PDE10A: variants seen among roughly 807,000 people sequenced by gnomAD.
PDE10A encodes the protein cAMP and cAMP-inhibited cGMP 3',5'-cyclic phosphodiesterase 10A.
Under a neutral mutation model 97.7 loss-of-function variants are expected in PDE10A, and 39 were observed. The observed-to-expected ratio is 0.40, with a 90% CI of 0.31 to 0.52. The LOEUF is 0.52. Ranked by LOEUF, PDE10A falls within the 20% of genes least tolerant of loss-of-function variation. The pLI is 0.56. For missense variants in PDE10A, 731 were observed against 1,047.8 expected, an observed-to-expected ratio of 0.70 and a Z score of 4.17; for synonymous variants, 371 against 376.8, an observed-to-expected ratio of 0.98 and a Z score of 0.18.
chr6:165,587,444 G>A (rs995572625), intron 1 of PDE10A, among the ~76,000 whole-genome samples: 1 of 152,062 alleles, frequency 6.6e-6, no homozygotes, highest in African/African-American at 2.4e-5. Context: ...GTCCTAGATG[G>A]GGGTAAGTTA....
intron 18 of PDE10A, among the ~76,000 whole-genome samples, chr6:165,350,961 G>A (rs1782653113): frequency 6.6e-6 from 1 of 152,076 alleles, no homozygotes; most frequent in African/African-American, 2.4e-5. Flanking sequence ...CTCAGTCTCG[G>A]CTATGTCTTT....
chr6:165,952,713 C>T (rs1476557058), intron 1 of PDE10A, among the ~76,000 whole-genome samples: 2 of 152,244 alleles, frequency 1.3e-5, no homozygotes, highest in South Asian at 4.1e-4. Flanking sequence ...CCCTGACCAG[C>T]CTGGCCTCAG....
At chr6:165,372,090 A>C in intron 18 of PDE10A, among the ~76,000 whole-genome samples, 1 of 150,054 alleles carries the variant, frequency 6.7e-6, no homozygotes, top group Non-Finnish European at 1.5e-5. Context: ...AAATAATAAG[A>C]GCTATCTATG....
intron 1 of PDE10A, among the ~76,000 whole-genome samples, chr6:165,694,051 C>T (rs1257728959): frequency 2.6e-5 from 4 of 152,062 alleles, no homozygotes; most frequent in African/African-American, 9.7e-5. Context: ...CTCACAAAAC[C>T]ACTCAACACT....
intron 1 of PDE10A, among the ~76,000 whole-genome samples, chr6:165,675,072 G>A (rs1790757542): frequency 6.6e-6 from 1 of 152,218 alleles, no homozygotes; most frequent in African/African-American, 2.4e-5. Context: ...TGATGAGAAG[G>A]AGGTGAAGAC....
intron 18 of PDE10A, among the ~76,000 whole-genome samples, chr6:165,364,662 A>G (rs1259025653): frequency 6.6e-6 from 1 of 152,024 alleles, no homozygotes; most frequent in Non-Finnish European, 1.5e-5. Context: ...AAATTAGTGT[A>G]ATTACACCTA....
intron 1 of PDE10A, among the ~76,000 whole-genome samples, chr6:165,635,425 T>C (rs1450758497): frequency 6.6e-6 from 1 of 152,168 alleles, no homozygotes; most frequent in Non-Finnish European, 1.5e-5. Flanking sequence ...ACAGGCAAAA[T>C]GTCAGAGATG....
intron 6 of PDE10A, among the ~76,000 whole-genome samples, chr6:165,434,327 A>C (rs1229925489): frequency 7.3e-6 from 1 of 136,882 alleles, no homozygotes; most frequent in African/African-American, 2.8e-5. Context: ...AATTTATTCA[A>C]GGTTATACAA....
rs77371646 is a variant in PDE10A at position 165,980,668 on chromosome 6, C to G, written c.-615+6861G>C. On this transcript the variant is annotated intron_variant, in intron 1 of 19. Transcript: ENST00000366882. Reference sequence around the variant, plus strand: ...AATTTCTGGTTGGCTTCATAAGAACCAGGGTCACGTAGGTGACATTTGGGG... The same window carrying G: ...AATTTCTGGTTGGCTTCATAAGAACGAGGGTCACGTAGGTGACATTTGGGG... Among the ~76,000 whole-genome samples the G allele has an allele frequency of 9.0e-3, 1,363 of 152,254 alleles. 20 individuals are homozygous for G. The highest frequency in any genetic ancestry group is 0.031 in the African/African-American group (1,275 of 41,544).
intron 18 of PDE10A, among the ~76,000 whole-genome samples, chr6:165,374,797 G>T: frequency 6.8e-6 from 1 of 147,486 alleles, no homozygotes. Flanking sequence ...TGGCAACCTT[G>T]GGTACAGCAA....
intron 1 of PDE10A, among the ~76,000 whole-genome samples, chr6:165,631,779 T>C (rs1381247594): frequency 1.3e-5 from 2 of 152,134 alleles, no homozygotes; most frequent in Non-Finnish European, 2.9e-5. Context: ...AGATATTCTA[T>C]CTCATATAAA....
chr6:165,616,100 G>C (rs1325831327), intron 1 of PDE10A, among the ~76,000 whole-genome samples: 1 of 151,936 alleles, frequency 6.6e-6, no homozygotes, highest in African/African-American at 2.4e-5. Context: ...TCCTTTTCAA[G>C]TTCACAGAAG....
chr6:165,629,697 C>A (rs570194800), intron 1 of PDE10A, among the ~76,000 whole-genome samples: 1 of 152,048 alleles, frequency 6.6e-6, no homozygotes, highest in East Asian at 2.0e-4. Context: ...CCACACCCGG[C>A]TAATTTTTGT....
rs554018640 is a variant in PDE10A at position 165,481,426 on chromosome 6, C to A, written c.1023+889G>T. ...CTATCTCCACACCCCCAACCCCCAG[C>A]GCTGGCCCAGGTCATTTTAGAGATT... On this transcript the variant is annotated intron_variant, in intron 3 of 21. Coordinates refer to ENST00000539869, the MANE Select transcript of PDE10A (RefSeq NM_001385079.1). 1.3e-5 allele frequency among the ~76,000 whole-genome samples: 2 copies of A among 152,068 alleles called. 1 individual carries two copies. The highest frequency in any genetic ancestry group is 2.9e-5 in the Non-Finnish European group (2 of 68,024).
At chr6:165,961,725 C>T (rs1467872455) in intron 1 of PDE10A, among the ~76,000 whole-genome samples, 1 of 152,224 alleles carries the variant, frequency 6.6e-6, no homozygotes, top group East Asian at 1.9e-4. Flanking sequence ...TCATCTCAGG[C>T]TTTTCAGAGC....
intron 1 of PDE10A, among the ~76,000 whole-genome samples, chr6:165,707,588 G>A (rs542006838): frequency 1.3e-5 from 2 of 152,306 alleles, no homozygotes; most frequent in Admixed American, 6.5e-5. Context: ...CACTGTGTGT[G>A]TGTGAGTGTG....
chr6:165,735,455 T>C lies in PDE10A; in HGVS notation c.-614-191887A>G, dbSNP rs368680609. 1.3e-4 allele frequency among the ~76,000 whole-genome samples: 20 copies of C among 152,022 alleles called. 1 individual carries two copies. The East Asian group carries it at 1.4e-3, about 10-fold the overall frequency. The stretch of plus-strand genomic sequence containing the variant: ...GTTGGTAGATATATAGGTAGGTAGA[T>C]AGGTAGGTGGGTAGGTAAGTAGGAA... On this transcript the variant is annotated intron_variant, in intron 1 of 19. Coordinates refer to the PDE10A transcript ENST00000366882.
intron 1 of PDE10A, among the ~76,000 whole-genome samples, chr6:165,619,158 T>TCTA (rs1213930595): frequency 4.7e-5 from 7 of 148,994 alleles, no homozygotes; most frequent in African/African-American, 1.0e-4. Context: ...TGTCGTGTAG[T>TCTA]GTAGTGTAGT....
chr6:165,414,312 T>C (rs1361387317), intron 12 of PDE10A, among the ~76,000 whole-genome samples: 1 of 152,174 alleles, frequency 6.6e-6, no homozygotes, highest in East Asian at 1.9e-4. Context: ...GACCATATGA[T>C]CCTTAATAGA....
Sources: allele counts gnomAD v4.1 joint callset (sites outside exome capture counted in the v4.1 genomes callset), GRCh38; gene constraint gnomAD v4.1.1; transcripts MANE v1.5; gene names NCBI Gene and HGNC (gene_info 2026-07-23, HGNC 2026-07-21).